Variants in NKAIN2 observed in about 807,000 individuals in gnomAD.
NKAIN2 encodes the protein sodium/potassium-transporting ATPase subunit beta-1-interacting protein 2.
A neutral mutation model predicts 32.6 loss-of-function variants in NKAIN2; 14 were observed. That is an observed-to-expected ratio of 0.43 (90% CI 0.28 to 0.67). The LOEUF (loss-of-function observed/expected upper bound fraction) is 0.67, where lower values mean the gene tolerates loss of function less well. NKAIN2 is among the 30% of genes least tolerant of loss of function. The pLI is 0.17. For synonymous variants in NKAIN2, 80 were observed against 87.2 expected (o/e 0.92, Z 0.46); for missense variants, 198 against 258.3 (o/e 0.77, Z 1.60).
At chr6:124,202,873 G>T (rs1379265181) in intron 1 of NKAIN2, among the ~76,000 whole-genome samples, 5 of 151,750 alleles carry the variant, frequency 3.3e-5, no homozygotes, top group Non-Finnish European at 7.4e-5. Context: ...AGAAATAAAA[G>T]AAATAAATAA....
Position 123,946,887 on chromosome 6 carries a change from G to A in NKAIN2, c.54+142633G>A, listed in dbSNP as rs74400268. 6.5e-3 allele frequency among the ~76,000 whole-genome samples: 993 copies of A among 152,242 alleles called. 11 individuals are homozygous for A. The highest frequency in any genetic ancestry group is 0.023 in the African/African-American group (943 of 41,550). ...ACCCCATGAACAGACATCAGGCAGA[G>A]GCATCAATCAAAGCCATTGATTGGC... On this transcript the variant is annotated intron_variant, in intron 1 of 6. Coordinates refer to ENST00000368417, the MANE Select transcript of NKAIN2 (RefSeq NM_001040214.3).
At chr6:124,054,708 G>T (rs1016685082) in intron 1 of NKAIN2, among the ~76,000 whole-genome samples, 1 of 151,924 alleles carries the variant, frequency 6.6e-6, no homozygotes, top group South Asian at 2.1e-4. Flanking sequence ...CTTAGCCATT[G>T]TGGGCAACTC....
chr6:123,861,911 A>C (rs1400600127), intron 1 of NKAIN2, among the ~76,000 whole-genome samples: 4 of 152,174 alleles, frequency 2.6e-5, no homozygotes, highest in Non-Finnish European at 5.9e-5. Context: ...GGAGATGAGG[A>C]AAATTAAATA....
At chr6:124,332,709 A>G (rs919107366) in intron 2 of NKAIN2, among the ~76,000 whole-genome samples, 1 of 152,202 alleles carries the variant, frequency 6.6e-6, no homozygotes, top group Non-Finnish European at 1.5e-5. Flanking sequence ...CATTATTTCC[A>G]ATAAAAATGA....
intron 1 of NKAIN2, among the ~76,000 whole-genome samples, chr6:124,003,789 C>A (rs1344645663): frequency 6.6e-6 from 1 of 152,148 alleles, no homozygotes; most frequent in African/African-American, 2.4e-5. Flanking sequence ...AGCAAAACAG[C>A]TGCAGGGGCT....
chr6:124,389,121 G>T (rs1225316695), intron 3 of NKAIN2, among the ~76,000 whole-genome samples: 1 of 152,018 alleles, frequency 6.6e-6, no homozygotes. Flanking sequence ...GTAACCAGAG[G>T]CTTATAGGAA....
chr6:124,273,156 G>A (rs1794875839), intron 1 of NKAIN2, among the ~76,000 whole-genome samples: 1 of 152,134 alleles, frequency 6.6e-6, no homozygotes, highest in Non-Finnish European at 1.5e-5. Context: ...AGGGACATGA[G>A]ATTTGGAAGA....
At chr6:124,479,725 C>T (rs1322777323) in intron 3 of NKAIN2, among the ~76,000 whole-genome samples, 2 of 151,820 alleles carry the variant, frequency 1.3e-5, no homozygotes, top group Non-Finnish European at 2.9e-5. Context: ...GTTTAAAAGC[C>T]TATAGTCGCA....
chr6:124,438,078 T>A (rs908465831), intron 3 of NKAIN2, among the ~76,000 whole-genome samples: 2 of 151,962 alleles, frequency 1.3e-5, no homozygotes, highest in African/African-American at 4.8e-5. Flanking sequence ...ATCCAGTGAG[T>A]GAAAATTTTA....
intron 1 of NKAIN2, among the ~76,000 whole-genome samples, chr6:123,808,606 T>C (rs1773322245): frequency 6.6e-6 from 1 of 152,210 alleles, no homozygotes. Flanking sequence ...CGACTTATTT[T>C]CTTGAATACA....
intron 1 of NKAIN2, among the ~76,000 whole-genome samples, chr6:124,172,075 G>A (rs1309941429): frequency 1.3e-5 from 2 of 152,164 alleles, no homozygotes; most frequent in East Asian, 3.8e-4. Context: ...GCCTCCCAAA[G>A]TGCTGGGATT....
At chr6:124,409,510 A>G (rs992888904) in intron 3 of NKAIN2, among the ~76,000 whole-genome samples, 2 of 152,096 alleles carry the variant, frequency 1.3e-5, no homozygotes, top group East Asian at 1.9e-4. Context: ...TGATTTTCCT[A>G]TGTTGGACCA....
At chr6:124,774,951 C>T (rs1228452957) in intron 4 of NKAIN2, among the ~76,000 whole-genome samples, 3 of 150,852 alleles carry the variant, frequency 2.0e-5, no homozygotes, top group Admixed American at 1.3e-4. Context: ...ACCAAGGATA[C>T]TGTTAATGAA....
At chr6:124,365,018 G>A (rs1366612688) in intron 3 of NKAIN2, among the ~76,000 whole-genome samples, 1 of 151,792 alleles carries the variant, frequency 6.6e-6, no homozygotes, top group Admixed American at 6.6e-5. Context: ...GTAATGTCTA[G>A]AGTAACTACT....
At chr6:124,738,493 G>C (rs1777056427) in intron 4 of NKAIN2, among the ~76,000 whole-genome samples, 1 of 151,744 alleles carries the variant, frequency 6.6e-6, no homozygotes, top group South Asian at 2.1e-4. Flanking sequence ...CTGCCTACAA[G>C]TGGAAAAACA....
intron 3 of NKAIN2, among the ~76,000 whole-genome samples, chr6:124,592,307 C>T (rs930640489): frequency 6.6e-6 from 1 of 152,100 alleles, no homozygotes; most frequent in Non-Finnish European, 1.5e-5. Flanking sequence ...TATTCATGCA[C>T]ATAATATTTT....
At chr6:124,468,558 T>G (rs2114666664) in intron 3 of NKAIN2, among the ~76,000 whole-genome samples, 1 of 152,318 alleles carries the variant, frequency 6.6e-6, no homozygotes, top group African/African-American at 2.4e-5. Flanking sequence ...TTACACATGG[T>G]TATTACTCAG....
chr6:124,023,956 A>G (rs1780987829), intron 1 of NKAIN2, among the ~76,000 whole-genome samples: 1 of 152,170 alleles, frequency 6.6e-6, no homozygotes, highest in Non-Finnish European at 1.5e-5. Context: ...ATCGTCTAAG[A>G]TTTATGTTTA....
At chr6:124,572,041 C>G (rs888894496) in intron 3 of NKAIN2, among the ~76,000 whole-genome samples, 7 of 152,094 alleles carry the variant, frequency 4.6e-5, no homozygotes, top group Non-Finnish European at 8.8e-5. Flanking sequence ...ATCCCATCAC[C>G]AAGTCCAGAG....
Sources: gnomAD v4.1 joint callset for allele counts (sites outside exome capture counted in the v4.1 genomes callset) on GRCh38, gnomAD v4.1.1 for gene constraint, MANE v1.5 for transcripts, NCBI Gene and HGNC (gene_info 2026-07-23, HGNC 2026-07-21) for gene names.